COL4A1: variants seen among roughly 807,000 people sequenced by gnomAD.
The protein encoded by COL4A1 is collagen type IV alpha 1 chain.
Under a neutral mutation model 216.6 loss-of-function variants are expected in COL4A1, and 40 were observed. The ratio of observed to expected loss-of-function variants is 0.18; its 90% CI spans 0.14 to 0.24. The LOEUF is 0.24. Among genes scored for constraint, COL4A1 ranks in the 10% least tolerant of loss-of-function variants. The pLI, the probability that COL4A1 is intolerant of heterozygous loss-of-function variation, is 1.00. For missense variants in COL4A1, 1,628 were observed against 2,196.8 expected (o/e 0.74, Z 5.18); for synonymous variants, 839 against 810.7 (o/e 1.03, Z -0.59).
chr13:110,189,195 C>G (rs1375258507), intron 24 of COL4A1, among the ~76,000 whole-genome samples: 1 of 152,172 alleles, frequency 6.6e-6, no homozygotes, highest in Non-Finnish European at 1.5e-5. Context: ...TTCCGAGCAG[C>G]TGGGATTATA....
At chr13:110,173,483 A>G (rs1452860811) in intron 40 of COL4A1, among the ~76,000 whole-genome samples, 1 of 152,200 alleles carries the variant, frequency 6.6e-6, no homozygotes, top group East Asian at 1.9e-4. Context: ...CACCAGTGAC[A>G]GGAGCAGACT....
intron 1 of COL4A1, among the ~76,000 whole-genome samples, chr13:110,289,664 G>C (rs539341017): frequency 5.9e-5 from 9 of 152,184 alleles, no homozygotes; most frequent in Admixed American, 5.2e-4. Context: ...TGCAAATTAC[G>C]CTATCTGTAT....
At chr13:110,164,604 A>G (rs1161711496) in intron 46 of COL4A1, among the ~76,000 whole-genome samples, 1 of 152,176 alleles carries the variant, frequency 6.6e-6, no homozygotes, top group Admixed American at 6.5e-5. Flanking sequence ...CTTTGAGCCC[A>G]TGTTTTTCTA....
intron 26 of COL4A1, among the ~76,000 whole-genome samples, chr13:110,183,605 T>C (rs978610042): frequency 5.3e-5 from 8 of 152,242 alleles, no homozygotes; most frequent in African/African-American, 1.9e-4. Context: ...AGGTGATTTC[T>C]TAGTGAGCCG....
At chr13:110,251,861 AG>A (rs1055279741) in intron 1 of COL4A1, among the ~76,000 whole-genome samples, 1 of 152,190 alleles carries the variant, frequency 6.6e-6, no homozygotes, top group Non-Finnish European at 1.5e-5. Flanking sequence ...CTTACAGCAG[AG>A]GCACAGTCTT....
At chr13:110,236,302 G>A (rs747372479) in intron 2 of COL4A1, among the ~76,000 whole-genome samples, 18 of 152,242 alleles carry the variant, frequency 1.2e-4, no homozygotes, top group Non-Finnish European at 2.6e-4. Context: ...TTCTCTTCTT[G>A]TATTTAGGTA....
intron 34 of COL4A1, 51 bp from the exon 35 acceptor site, chr13:110,176,775 G>T (rs546576755): frequency 6.2e-7 from 1 of 1,613,692 alleles, no homozygotes; most frequent in South Asian, 1.1e-5. Flanking sequence ...TTGCAAGCAA[G>T]TTGCTGCAGA....
At chr13:110,190,353 T>C (rs991773156) in intron 24 of COL4A1, among the ~76,000 whole-genome samples, 7 of 152,190 alleles carry the variant, frequency 4.6e-5, no homozygotes, top group African/African-American at 1.7e-4. Flanking sequence ...ACACCTACGC[T>C]GTCTGCCTCT....
At chr13:110,154,459 G>C (rs1393039182) in intron 50 of COL4A1, among the ~76,000 whole-genome samples, 3 of 152,130 alleles carry the variant, frequency 2.0e-5, no homozygotes, top group African/African-American at 7.2e-5. Context: ...CCAGCCCTCG[G>C]GTGTTCTCTC....
intron 29 of COL4A1, 121 bp from the exon 30 acceptor site, chr13:110,179,542 G>A (rs1157351351): frequency 7.0e-7 from 1 of 1,429,120 alleles, no homozygotes; most frequent in African/African-American, 1.4e-5. Context: ...AATATTATCT[G>A]CTCAACCCTT....
rs1230150331 is a variant in COL4A1, at chr13:110,306,987, G to C, written c.41C>G (p.Ala14Gly). The change falls in exon 1 of 52, where the codon GCC (alanine) becomes GGC (glycine). Residue 14 changes from alanine to glycine, a missense_variant. Transcript: ENST00000375820. ...RLSVWLLLLP[A>G]ALLLHEEHSR... The stretch of plus-strand genomic sequence containing the variant: ...GTGCTCCTCGTGGAGCAGAAGGGCG[G>C]CGGGCAGCAGCAGCAGCCAGACGCT... 6.8e-7 allele frequency: 1 copy of C among 1,477,446 alleles called. No individual in the cohort carries two copies. Among genetic ancestry groups the C allele is most frequent in the Non-Finnish European group, 8.9e-7 (1 of 1,119,846 alleles). The allele number at this position is 1,477,446 out of a possible 1,614,324, so 91.5% of individuals were successfully genotyped here. A position where few individuals can be genotyped will look rare whatever the true frequency, so the allele number is the denominator to read the frequency against.
intron 1 of COL4A1, among the ~76,000 whole-genome samples, chr13:110,279,211 A>C (rs533272670): frequency 6.6e-6 from 1 of 152,048 alleles, no homozygotes; most frequent in Non-Finnish European, 1.5e-5. Context: ...TTTTCCAGCT[A>C]TGTCTCCCTG....
chr13:110,186,707 G>A (rs1195786371), intron 25 of COL4A1, among the ~76,000 whole-genome samples, 154 bp from the exon 26 acceptor site: 1 of 152,186 alleles, frequency 6.6e-6, no homozygotes, highest in Non-Finnish European at 1.5e-5. Flanking sequence ...GGGCCACCTT[G>A]TAGTTAATAA....
intron 2 of COL4A1, among the ~76,000 whole-genome samples, chr13:110,222,851 T>C (rs1305594830): frequency 6.7e-6 from 1 of 148,566 alleles, no homozygotes; most frequent in African/African-American, 2.5e-5. Flanking sequence ...ACTATTAAAA[T>C]ATTAAATATT....
At chr13:110,306,586 C>T (rs576079297) in intron 1 of COL4A1, among the ~76,000 whole-genome samples, 4 of 152,304 alleles carry the variant, frequency 2.6e-5, no homozygotes, top group South Asian at 2.1e-4. Context: ...CCAACTCCCT[C>T]GCGCACCCGG....
At chr13:110,163,253 C>A (rs1163040216) in intron 47 of COL4A1, among the ~76,000 whole-genome samples, 3 of 152,222 alleles carry the variant, frequency 2.0e-5, no homozygotes, top group Admixed American at 6.5e-5. Flanking sequence ...GGGAAACGTA[C>A]ACTTTGATCA....
At chr13:110,169,946 A>AGGAAGGGAGGGAGGG (rs1877536534) in intron 42 of COL4A1, among the ~76,000 whole-genome samples, 184 bp from the exon 43 acceptor site, 1 of 150,870 alleles carries the variant, frequency 6.6e-6, no homozygotes, top group African/African-American at 2.4e-5. Flanking sequence ...GGAGGGAGGG[A>AGGAAGGGAGGGAGGG]ATAGAAACAC....
At chr13:110,270,811 A>AGTTAGGT (rs1883219360) in intron 1 of COL4A1, among the ~76,000 whole-genome samples, 1 of 152,184 alleles carries the variant, frequency 6.6e-6, no homozygotes, top group Admixed American at 6.5e-5. Context: ...CAAAGACACC[A>AGTTAGGT]CAGTAGCAAT....
intron 1 of COL4A1, among the ~76,000 whole-genome samples, chr13:110,286,730 TCG>T (rs1356633709): frequency 6.6e-6 from 1 of 152,174 alleles, no homozygotes; most frequent in African/African-American, 2.4e-5. Flanking sequence ...CCTGCTGGCC[TCG>T]CAGAGAGGCA....
Sources: allele counts gnomAD v4.1 joint callset (sites outside exome capture counted in the v4.1 genomes callset), GRCh38; gene constraint gnomAD v4.1.1; transcripts MANE v1.5; gene names NCBI Gene and HGNC (gene_info 2026-07-23, HGNC 2026-07-21).